Variants in ZHX2 observed in about 807,000 individuals in gnomAD.
ZHX2 encodes the protein zinc fingers and homeoboxes protein 2.
Under a neutral mutation model 21.9 loss-of-function variants are expected in ZHX2, and 6 were observed. The observed-to-expected ratio is 0.27, with a 90% CI of 0.15 to 0.54. ZHX2 has a LOEUF of 0.54. ZHX2 is among the 20% of genes least tolerant of loss of function. ZHX2 has a pLI of 0.95. For missense variants in ZHX2, 908 were observed against 1,090.7 expected (o/e 0.83, Z 2.36); for synonymous variants, 434 against 437.1 (o/e 0.99, Z 0.09).
At chr8:122,972,313 C>A (rs2130390169) in intron 3 of ZHX2, among the ~76,000 whole-genome samples, 1 of 152,306 alleles carries the variant, frequency 6.6e-6, no homozygotes, top group African/African-American at 2.4e-5. Context: ...GGGGGGACAC[C>A]ATTCCACCTA....
At chr8:122,800,779 A>G (rs1000833307) in intron 1 of ZHX2, among the ~76,000 whole-genome samples, 2 of 152,144 alleles carry the variant, frequency 1.3e-5, no homozygotes, top group African/African-American at 4.8e-5. Flanking sequence ...AGAGAGAGAG[A>G]GGATGCAGAA....
chr8:122,783,784 G>C lies in ZHX2; in HGVS notation c.-283+1838G>C, dbSNP rs955119802. Among the ~76,000 whole-genome samples, 3 of 152,312 alleles carry C rather than the reference G, an allele frequency of 2.0e-5. No homozygotes were observed. The East Asian group carries it at 5.8e-4, about 29-fold the overall frequency. Reference sequence around the variant, plus strand: ...ACTACCATAAAGGTTTAAGTTTAAAGGGAAAGTTATGTAAAGCTGTATACA... The same window carrying C: ...ACTACCATAAAGGTTTAAGTTTAAACGGAAAGTTATGTAAAGCTGTATACA... On this transcript the variant is annotated intron_variant, in intron 1 of 3. Coordinates refer to ENST00000314393, the MANE Select transcript of ZHX2 (RefSeq NM_014943.5).
chr8:122,907,955 C>G (rs1481526988), intron 2 of ZHX2, among the ~76,000 whole-genome samples: 1 of 152,120 alleles, frequency 6.6e-6, no homozygotes, highest in Non-Finnish European at 1.5e-5. Context: ...TATGTGATCT[C>G]CAGACAGTTT....
At position 122,953,595 on chromosome 8, in the gene ZHX2, G is replaced by A. The variant is rs1417510358; in HGVS notation, c.2085G>A (p.Gln695=). ...CCGTGAAGTGGATGGAGCAGTACCA[G>A]CACCAGCCCATGGCAGATGATCACG... is the stretch of plus-strand genomic sequence containing the variant. ...TGTVKWMEQY[Q]HQPMADDHGY... The change falls in exon 3 of 4, where the codon CAG becomes CAA. Residue 695 remains glutamine (Q), a synonymous_variant. Coordinates refer to ENST00000314393, the MANE Select transcript of ZHX2 (RefSeq NM_014943.5). The surrounding 1 kb of genome is among the most constrained non-coding windows in gnomAD (Gnocchi z 4.6). 2 of 1,614,166 alleles carry A rather than the reference G, an allele frequency of 1.2e-6. No individual in the cohort carries two copies. The highest frequency in any genetic ancestry group is 1.7e-5 in the Admixed American group (1 of 60,038).
At chr8:122,890,370 A>G (rs1819948717) in intron 2 of ZHX2, among the ~76,000 whole-genome samples, 2 of 152,100 alleles carry the variant, frequency 1.3e-5, no homozygotes, top group Non-Finnish European at 2.9e-5. Flanking sequence ...GCTTTGTGGC[A>G]TATTTTGAAG....
intron 2 of ZHX2, among the ~76,000 whole-genome samples, chr8:122,903,213 G>C (rs576705032): frequency 6.6e-6 from 1 of 152,220 alleles, no homozygotes; most frequent in South Asian, 2.1e-4. Flanking sequence ...AGATAACTTT[G>C]CCCATAGCTA....
intron 1 of ZHX2, among the ~76,000 whole-genome samples, chr8:122,785,163 T>G (rs1817370133): frequency 6.6e-6 from 1 of 152,224 alleles, no homozygotes. Flanking sequence ...CTCCTAGAGG[T>G]GGGAGCAGCT....
At chr8:122,839,269 C>T (rs1314983910) in intron 1 of ZHX2, among the ~76,000 whole-genome samples, 1 of 152,160 alleles carries the variant, frequency 6.6e-6, no homozygotes, top group East Asian at 1.9e-4. Context: ...AAGCAATGGA[C>T]AAAATCTGAA....
chr8:122,806,764 T>C (rs1030896669), intron 1 of ZHX2, among the ~76,000 whole-genome samples: 1 of 152,210 alleles, frequency 6.6e-6, no homozygotes, highest in African/African-American at 2.4e-5. Flanking sequence ...TGGCTGACAT[T>C]TACCTTGTGC....
chr8:122,836,906 GGCACAGGATGAGGTAGGAGGTCC>G (rs1435916220), intron 1 of ZHX2, among the ~76,000 whole-genome samples: 1 of 152,148 alleles, frequency 6.6e-6, no homozygotes, highest in African/African-American at 2.4e-5. Context: ...GGCATTCTAA[GGCACAGGATGAGGTAGGAGGTCC>G]GCACAAGATA....
At chr8:122,858,416 T>C (rs750439843) in intron 1 of ZHX2, among the ~76,000 whole-genome samples, 5 of 152,204 alleles carry the variant, frequency 3.3e-5, no homozygotes, top group Non-Finnish European at 5.9e-5. Context: ...CCCCTTCTGG[T>C]GCCTGGCACA....
intron 2 of ZHX2, among the ~76,000 whole-genome samples, chr8:122,948,097 G>A (rs572416662): frequency 3.9e-5 from 6 of 152,276 alleles, no homozygotes; most frequent in African/African-American, 7.2e-5. Flanking sequence ...TTCACTAGCC[G>A]GGGAATGGCC....
At chr8:122,944,950 A>G (rs1051313057) in intron 2 of ZHX2, among the ~76,000 whole-genome samples, 1 of 152,180 alleles carries the variant, frequency 6.6e-6, no homozygotes, top group Non-Finnish European at 1.5e-5. Flanking sequence ...TGATGTCATT[A>G]TAACAAGAGG....
intron 2 of ZHX2, among the ~76,000 whole-genome samples, chr8:122,926,927 A>G (rs945256915): frequency 1.3e-5 from 2 of 152,152 alleles, no homozygotes; most frequent in African/African-American, 2.4e-5. Flanking sequence ...CACCCAGATC[A>G]TCCAGAATGA....
rs192848031 is a variant in ZHX2, at chr8:122,815,028, G to A, written c.-283+33082G>A. Among the ~76,000 whole-genome samples, 23 of 152,282 alleles carry A rather than the reference G, an allele frequency of 1.5e-4. No individual in the cohort carries two copies. In the East Asian group the frequency reaches 3.7e-3, roughly 24 times the overall value. Reference sequence around the variant, plus strand: ...CCACAACTTAATCTCCTTGAGTCTCGTTTTTCCATCAGAAAATATAGATGA... The same window carrying A: ...CCACAACTTAATCTCCTTGAGTCTCATTTTTCCATCAGAAAATATAGATGA... On this transcript the variant is annotated intron_variant, in intron 1 of 3. Transcript: ENST00000314393.
intron 2 of ZHX2, among the ~76,000 whole-genome samples, chr8:122,874,876 G>GT (rs1260796089): frequency 1.3e-5 from 2 of 151,986 alleles, no homozygotes; most frequent in Non-Finnish European, 2.9e-5. Flanking sequence ...GCATGGGGCA[G>GT]TGGGGACGTT....
chr8:122,869,914 CA>C (rs891833723), intron 2 of ZHX2, among the ~76,000 whole-genome samples: 14 of 152,154 alleles, frequency 9.2e-5, no homozygotes, highest in Admixed American at 7.9e-4. Context: ...GTGTCCACCA[CA>C]GAGTAAAAGT....
intron 2 of ZHX2, among the ~76,000 whole-genome samples, chr8:122,922,290 A>G (rs922906306): frequency 1.3e-5 from 2 of 151,524 alleles, no homozygotes; most frequent in Admixed American, 6.6e-5. Flanking sequence ...AAAAAAAAAG[A>G]AAAGGAAAAA....
At chr8:122,863,762 T>C (rs1158030985) in intron 2 of ZHX2, among the ~76,000 whole-genome samples, 1 of 152,106 alleles carries the variant, frequency 6.6e-6, no homozygotes, top group African/African-American at 2.4e-5. Flanking sequence ...AGCCTGCAGG[T>C]AGCTGGACTG....
Sources: allele counts gnomAD v4.1 joint callset (sites outside exome capture counted in the v4.1 genomes callset), GRCh38; gene constraint gnomAD v4.1.1; non-coding constraint Gnocchi (gnomAD v3.1); transcripts MANE v1.5; gene names NCBI Gene and HGNC (gene_info 2026-07-23, HGNC 2026-07-21).